Variants in CFAP77 observed in about 807,000 individuals in gnomAD.
CFAP77 encodes the protein cilia- and flagella-associated protein 77.
Under a neutral mutation model 31.1 loss-of-function variants are expected in CFAP77, and 25 were observed. That is an observed-to-expected ratio of 0.80 (90% CI 0.59 to 1.12). The LOEUF is 1.12. Ranked by LOEUF, CFAP77 falls within the 50% of genes most tolerant of loss-of-function variation. The pLI is 0.00. For missense variants in CFAP77, 377 were observed against 397.3 expected (o/e 0.95, Z 0.44); for synonymous variants, 151 against 159.9 (o/e 0.94, Z 0.42).
Position 132,497,320 on chromosome 9 carries a change from G to T in CFAP77, c.196-1375G>T, listed in dbSNP as rs1304500166. Among the ~76,000 whole-genome samples, 1 of 152,230 alleles carries T rather than the reference G, an allele frequency of 6.6e-6. No homozygotes were observed. The highest frequency in any genetic ancestry group is 2.4e-5 in the African/African-American group (1 of 41,458). On this transcript the variant is annotated intron_variant, in intron 1 of 5. Coordinates refer to ENST00000393216, the MANE Select transcript of CFAP77 (RefSeq NM_001282957.2). The surrounding 1 kb of genome is among the most constrained non-coding windows in gnomAD (Gnocchi z 4.9). ...ACCCAGCCTGTGGGAGCTGGAGAGA[G>T]GGGGATATAGACGAGATGGCAGGAG...
At chr9:132,534,369 T>C (rs1488775325) in intron 3 of CFAP77, among the ~76,000 whole-genome samples, 1 of 152,010 alleles carries the variant, frequency 6.6e-6, no homozygotes, top group Non-Finnish European at 1.5e-5. Context: ...TCCTAGCACT[T>C]TGGGAGGCTG....
intron 1 of CFAP77, among the ~76,000 whole-genome samples, chr9:132,462,482 C>T (rs1000434314): frequency 6.6e-6 from 1 of 152,128 alleles, no homozygotes; most frequent in African/African-American, 2.4e-5. Context: ...TCTGTGCCCC[C>T]ACTCCAACAG....
At chr9:132,556,428 G>A (rs890194800) in intron 5 of CFAP77, among the ~76,000 whole-genome samples, 1 of 152,202 alleles carries the variant, frequency 6.6e-6, no homozygotes, top group East Asian at 1.9e-4. Context: ...CCCCTCCCCG[G>A]CGGCTCAGCT....
intron 1 of CFAP77, among the ~76,000 whole-genome samples, chr9:132,438,978 C>T (rs1482657507): frequency 1.3e-5 from 2 of 151,298 alleles, no homozygotes; most frequent in Non-Finnish European, 2.9e-5. Flanking sequence ...CGGGTTCAAG[C>T]GATTCTCCCA....
rs544819802 is a variant in CFAP77 at position 132,552,615 on chromosome 9, G to A, written c.732+9568G>A. ...GCAGGCTGAGGCAGGAGAATTGCTT[G>A]AACCTGGGAGGTTGAGGTTGCTGTG... On this transcript the variant is annotated intron_variant, in intron 5 of 5. Coordinates refer to ENST00000393216, the MANE Select transcript of CFAP77 (RefSeq NM_001282957.2). This position sits in a 1 kb window ranked among gnomAD's most constrained non-coding sequence, Gnocchi z 5.5. Among the ~76,000 whole-genome samples the A allele has an allele frequency of 6.6e-6, 1 of 151,370 alleles. No individual in the cohort carries two copies. Among genetic ancestry groups the A allele is most frequent in the African/African-American group, 2.4e-5 (1 of 41,170 alleles).
intron 1 of CFAP77, among the ~76,000 whole-genome samples, chr9:132,465,073 C>CAAA (rs773917029): frequency 1.1e-4 from 9 of 82,818 alleles, no homozygotes; most frequent in Admixed American, 1.5e-4. Flanking sequence ...GACTCTGTCT[C>CAAA]AAAAAAAAAA....
intron 3 of CFAP77, among the ~76,000 whole-genome samples, chr9:132,536,824 G>A (rs899215388): frequency 2.2e-4 from 33 of 152,196 alleles, no homozygotes; most frequent in African/African-American, 7.7e-4. Flanking sequence ...GGCTGAGCGG[G>A]TCTGCCTTGC....
rs1589857450 is a variant in CFAP77, at chr9:132,450,987, T to C, written c.195+40521T>C. Among the ~76,000 whole-genome samples the C allele has an allele frequency of 2.6e-5, 4 of 152,232 alleles. No individual in the cohort carries two copies. In the East Asian group the frequency reaches 5.8e-4, roughly 22 times the overall value. ...GATGTCAGGATTTTGGCTTGAGCAA[T>C]GGCAGTGCCTCCAACCAAGATGGAA... On this transcript the variant is annotated intron_variant, in intron 1 of 5. Transcript: ENST00000393216.
chr9:132,521,308 GA>G (rs1308005111), intron 3 of CFAP77, among the ~76,000 whole-genome samples: 1 of 152,236 alleles, frequency 6.6e-6, no homozygotes, highest in Non-Finnish European at 1.5e-5. Context: ...GTTCCCCAAG[GA>G]AAAGCCCATT....
rs1465567564 is a variant in CFAP77 at position 132,565,377 on chromosome 9, C to A, written c.733-7011C>A. Among the ~76,000 whole-genome samples the A allele has an allele frequency of 6.6e-6, 1 of 152,078 alleles. No individual in the cohort carries two copies. Among genetic ancestry groups the A allele is most frequent in the Non-Finnish European group, 1.5e-5 (1 of 68,024 alleles). ...TGGTGCCGTGGCTCACGCCTGTAAT[C>A]CCAGCACTTTGGGAGGCCGAGGTGA... On this transcript the variant is annotated intron_variant, in intron 5 of 5. Coordinates refer to ENST00000393216, the MANE Select transcript of CFAP77 (RefSeq NM_001282957.2). This position sits in a 1 kb window ranked among gnomAD's most constrained non-coding sequence, Gnocchi z 4.1.
In CFAP77 at chr9:132,552,157, G is replaced by A. The variant is rs939607674; in HGVS notation, c.732+9110G>A. Among the ~76,000 whole-genome samples, 14 of 152,256 alleles carry A rather than the reference G, an allele frequency of 9.2e-5. No homozygotes were observed. The highest frequency in any genetic ancestry group is 2.1e-4 in the Non-Finnish European group (14 of 68,052). On this transcript the variant is annotated intron_variant, in intron 5 of 5. Coordinates refer to ENST00000393216, the MANE Select transcript of CFAP77 (RefSeq NM_001282957.2). The surrounding 1 kb of genome is among the most constrained non-coding windows in gnomAD (Gnocchi z 5.5). ...GTCTGTCTGTGGGCTGGGCAGCCAT[G>A]CAGAGTGGCTCCAGGTCCCAGCCTG...
chr9:132,554,401 C>G lies in CFAP77; in HGVS notation c.732+11354C>G, dbSNP rs1282744208. ...TCACTCTGTCACCCAGGCTGGAGCA[C>G]AGTGGCACAATCACAGCCTCAACTT... On this transcript the variant is annotated intron_variant, in intron 5 of 5. Transcript: ENST00000393216. The surrounding 1 kb of genome is among the most constrained non-coding windows in gnomAD (Gnocchi z 4.1). Among the ~76,000 whole-genome samples, 1 of 151,908 alleles carries G rather than the reference C, an allele frequency of 6.6e-6. No individual in the cohort carries two copies. The highest frequency in any genetic ancestry group is 1.5e-5 in the Non-Finnish European group (1 of 68,002).
At chr9:132,453,649 A>C (rs1850868189) in intron 1 of CFAP77, among the ~76,000 whole-genome samples, 1 of 152,272 alleles carries the variant, frequency 6.6e-6, no homozygotes, top group African/African-American at 2.4e-5. Flanking sequence ...GTTTGTTTTC[A>C]TAAAAAGGGC....
intron 5 of CFAP77, among the ~76,000 whole-genome samples, chr9:132,548,167 G>A (rs1246757108): frequency 1.3e-5 from 2 of 151,750 alleles, no homozygotes; most frequent in South Asian, 2.1e-4. Flanking sequence ...TCCATGCCAC[G>A]GGCCCCGCCT....
At chr9:132,532,372 C>A (rs976129826) in intron 3 of CFAP77, among the ~76,000 whole-genome samples, 1 of 152,200 alleles carries the variant, frequency 6.6e-6, no homozygotes, top group Admixed American at 6.5e-5. Flanking sequence ...CGGCAGAGAG[C>A]GGAGCCAGCC....
intron 1 of CFAP77, among the ~76,000 whole-genome samples, chr9:132,449,074 AG>A (rs918258198): frequency 3.2e-4 from 49 of 152,290 alleles, no homozygotes; most frequent in African/African-American, 1.2e-3. Context: ...AGCTTCACAG[AG>A]GGGGCCAGTC....
At chr9:132,435,587 C>T (rs747807010) in intron 1 of CFAP77, among the ~76,000 whole-genome samples, 19 of 152,184 alleles carry the variant, frequency 1.2e-4, no homozygotes, top group Non-Finnish European at 2.2e-4. Context: ...AGGCTTGGCC[C>T]CTGGGGTGGT....
At chr9:132,538,206 G>C (rs1348625160) in intron 4 of CFAP77, among the ~76,000 whole-genome samples, 1 of 152,190 alleles carries the variant, frequency 6.6e-6, no homozygotes, top group Non-Finnish European at 1.5e-5. Flanking sequence ...AATTAACCAG[G>C]AAGCAGCATT....
chr9:132,411,587 G>T (rs1850003064), intron 1 of CFAP77, among the ~76,000 whole-genome samples: 1 of 152,094 alleles, frequency 6.6e-6, no homozygotes. Flanking sequence ...CCTTTCTTAG[G>T]CCTCTCAAAG....
Sources: allele counts gnomAD v4.1 joint callset (sites outside exome capture counted in the v4.1 genomes callset), GRCh38; gene constraint gnomAD v4.1.1; non-coding constraint Gnocchi (gnomAD v3.1); transcripts MANE v1.5; gene names NCBI Gene and HGNC (gene_info 2026-07-23, HGNC 2026-07-21).